The following HDAC9 variants were observed in gnomAD, a reference collection of about 807,000 sequenced individuals.
HDAC9 encodes the protein histone deacetylase 9.
In HDAC9, 41 loss-of-function variants were observed where a neutral mutation model predicts 139.4. The observed-to-expected ratio is 0.29, with a 90% CI of 0.23 to 0.38. The LOEUF is 0.38. Ranked by LOEUF, HDAC9 falls within the 10% of genes least tolerant of loss-of-function variation. The probability of loss-of-function intolerance (pLI) is 1.00; values close to 1 mark genes in which losing one functional copy is unlikely to be tolerated. For missense variants in HDAC9, 1,147 were observed against 1,297.0 expected (o/e 0.88, Z 1.78); for synonymous variants, 517 against 476.2 (o/e 1.09, Z -1.12).
intron 1 of HDAC9, among the ~76,000 whole-genome samples, chr7:18,431,454 C>T (rs571988383): frequency 3.3e-5 from 5 of 152,094 alleles, no homozygotes; most frequent in African/African-American, 4.8e-5. Context: ...TTTCTTCGTC[C>T]GTGACATGAA....
At chr7:18,371,540 C>T (rs1784594035) in intron 1 of HDAC9, among the ~76,000 whole-genome samples, 1 of 151,930 alleles carries the variant, frequency 6.6e-6, no homozygotes, top group African/African-American at 2.4e-5. Flanking sequence ...TGTATTAGAA[C>T]ACATTAGGAA....
At chr7:18,842,023 G>A (rs1163251030) in intron 21 of HDAC9, among the ~76,000 whole-genome samples, 2 of 152,074 alleles carry the variant, frequency 1.3e-5, no homozygotes, top group Non-Finnish European at 2.9e-5. Context: ...AGAATATATA[G>A]TGAAAAATGA....
chr7:18,673,294 G>A (rs574799067), intron 12 of HDAC9, among the ~76,000 whole-genome samples: 270 of 151,940 alleles, frequency 1.8e-3, no homozygotes, highest in African/African-American at 6.1e-3. Context: ...AAATTATGTC[G>A]AACTAATGTT....
intron 1 of HDAC9, among the ~76,000 whole-genome samples, chr7:18,426,351 C>T (rs1283208147): frequency 6.6e-6 from 1 of 152,176 alleles, no homozygotes. Flanking sequence ...TATGCAAATG[C>T]TAATGCAGTT....
chr7:18,972,231 T>G (rs1229276037), intron 24 of HDAC9, among the ~76,000 whole-genome samples: 2 of 152,198 alleles, frequency 1.3e-5, no homozygotes, highest in Admixed American at 1.3e-4. Flanking sequence ...GAATAAAACT[T>G]TCATAGCATT....
intron 16 of HDAC9, 113 bp downstream of exon 16, chr7:18,767,268 T>C: frequency 1.9e-6 from 1 of 516,712 alleles, no homozygotes; most frequent in African/African-American, 2.0e-5. Context: ...TATGCTAGAC[T>C]TCAGGACTGC....
At chr7:18,127,104 A>G (rs1190466892) in intron 1 of HDAC9, 1 of 166,504 alleles carries the variant, frequency 6.0e-6, no homozygotes, top group African/African-American at 2.4e-5. Flanking sequence ...GATCATTGAT[A>G]GAGCTGGGAT....
intron 1 of HDAC9, among the ~76,000 whole-genome samples, chr7:18,332,982 A>T (rs2128649631): frequency 6.6e-6 from 1 of 151,750 alleles, no homozygotes; most frequent in Non-Finnish European, 1.5e-5. Context: ...AATTTATTTT[A>T]TGCCAAAATT....
intron 11 of HDAC9, among the ~76,000 whole-genome samples, chr7:18,653,470 G>T (rs1445369757): frequency 6.6e-6 from 1 of 151,762 alleles, no homozygotes; most frequent in Non-Finnish European, 1.5e-5. Flanking sequence ...GCATTCCTAT[G>T]ACTGGCTATC....
At chr7:18,847,150 C>T (rs747265357) in intron 21 of HDAC9, among the ~76,000 whole-genome samples, 8 of 152,152 alleles carry the variant, frequency 5.3e-5, no homozygotes, top group Non-Finnish European at 1.0e-4. Flanking sequence ...TCAACATCAG[C>T]TCTTCTCAGA....
chr7:18,310,848 A>T (rs77287670), intron 1 of HDAC9, among the ~76,000 whole-genome samples: 1,863 of 137,724 alleles, frequency 0.014, 29 homozygotes, highest in East Asian at 0.083. Context: ...ACACACACAC[A>T]CTCTCTTACT....
At chr7:18,705,387 T>A (rs1469036178) in intron 12 of HDAC9, among the ~76,000 whole-genome samples, 1 of 152,166 alleles carries the variant, frequency 6.6e-6, no homozygotes, top group African/African-American at 2.4e-5. Context: ...AAATGTACTC[T>A]GTGGTGCAAA....
chr7:18,368,624 T>A (rs1053400159), intron 1 of HDAC9, among the ~76,000 whole-genome samples: 1 of 152,098 alleles, frequency 6.6e-6, no homozygotes, highest in Non-Finnish European at 1.5e-5. Context: ...TTTTATACCT[T>A]TTCCCATCTG....
intron 2 of HDAC9, among the ~76,000 whole-genome samples, chr7:18,231,279 G>T (rs188162578): frequency 6.6e-6 from 1 of 152,320 alleles, no homozygotes; most frequent in Admixed American, 6.5e-5. Context: ...AAGCAGGGCT[G>T]CCATGTTCAG....
intron 21 of HDAC9, among the ~76,000 whole-genome samples, chr7:18,846,265 A>C (rs978301171): frequency 2.0e-5 from 3 of 152,134 alleles, no homozygotes; most frequent in African/African-American, 4.8e-5. Context: ...AGAATTCATA[A>C]TGTTCCCTAG....
At chr7:18,917,705 T>A (rs772572563) in intron 22 of HDAC9, among the ~76,000 whole-genome samples, 3 of 152,026 alleles carry the variant, frequency 2.0e-5, no homozygotes, top group Non-Finnish European at 4.4e-5. Flanking sequence ...TTTCATGTAT[T>A]CACCTTAACT....
intron 13 of HDAC9, among the ~76,000 whole-genome samples, chr7:18,732,953 A>ATGTATGTGTATACACACGTG (rs1786433431): frequency 1.1e-5 from 1 of 93,196 alleles, no homozygotes; most frequent in Non-Finnish European, 2.1e-5. Flanking sequence ...ACACACGTGT[A>ATGTATGTGTATACACACGTG]TGTGTGTGTA....
intron 12 of HDAC9, among the ~76,000 whole-genome samples, chr7:18,726,346 G>C (rs954272139): frequency 6.6e-6 from 1 of 152,144 alleles, no homozygotes; most frequent in Non-Finnish European, 1.5e-5. Context: ...TAGGTAGAAG[G>C]GGAGCACCTA....
chr7:18,088,141 G>A (rs1781911936), intron 1 of HDAC9: 1 of 152,098 alleles, frequency 6.6e-6, no homozygotes, highest in South Asian at 2.1e-4. Flanking sequence ...AGTAACTGTA[G>A]CATTTTGAAA....
Sources: allele counts gnomAD v4.1 joint callset (sites outside exome capture counted in the v4.1 genomes callset), GRCh38; gene constraint gnomAD v4.1.1; transcripts MANE v1.5; gene names NCBI Gene and HGNC (gene_info 2026-07-23, HGNC 2026-07-21).